The following PPM1L variants were observed in gnomAD, a reference collection of about 807,000 sequenced individuals.
The protein encoded by PPM1L is protein phosphatase 1L.
A neutral mutation model predicts 31.4 loss-of-function variants in PPM1L; 13 were observed. The ratio of observed to expected loss-of-function variants is 0.41; its 90% CI spans 0.27 to 0.66. The LOEUF (loss-of-function observed/expected upper bound fraction) is 0.66, where lower values mean the gene tolerates loss of function less well. PPM1L is among the 30% of genes least tolerant of loss of function. PPM1L has a pLI of 0.29. For synonymous variants in PPM1L, 184 were observed against 175.4 expected (o/e 1.05, Z -0.39); for missense variants, 326 against 453.7 (o/e 0.72, Z 2.56).
chr3:160,976,618 A>G (rs1366356940), intron 2 of PPM1L, among the ~76,000 whole-genome samples: 3 of 144,532 alleles, frequency 2.1e-5, no homozygotes, highest in East Asian at 2.0e-4. Flanking sequence ...TGTATGTGTC[A>G]AGGAATTTAT....
At chr3:160,808,320 T>TGTGC (rs1166270943) in intron 1 of PPM1L, among the ~76,000 whole-genome samples, 3 of 142,352 alleles carry the variant, frequency 2.1e-5, no homozygotes, top group African/African-American at 5.7e-5. Context: ...TGTGTGTGTG[T>TGTGC]GCGTGCATGT....
intron 1 of PPM1L, among the ~76,000 whole-genome samples, chr3:160,808,386 T>TGTGTGTGTGTGTGTGTGTGTGCGCGCGC (rs1560112656): frequency 1.5e-4 from 7 of 47,004 alleles, no homozygotes; most frequent in Non-Finnish European, 2.6e-4. Flanking sequence ...GATTTTCCTG[T>TGTGTGTGTGTGTGTGTGTGTGCGCGCGC]GTGTGTGTGT....
intron 2 of PPM1L, among the ~76,000 whole-genome samples, chr3:161,026,368 A>T (rs1045794321): frequency 6.6e-6 from 1 of 152,180 alleles, no homozygotes; most frequent in African/African-American, 2.4e-5. Context: ...CTCTCAGAAG[A>T]GGTAACATCT....
chr3:160,775,967 G>C (rs1711549247), intron 1 of PPM1L, among the ~76,000 whole-genome samples: 1 of 152,184 alleles, frequency 6.6e-6, no homozygotes, highest in African/African-American at 2.4e-5. Context: ...TTGTACTCAA[G>C]GAAGAGCGTC....
At chr3:160,887,593 T>C (rs1321342041) in intron 1 of PPM1L, among the ~76,000 whole-genome samples, 1 of 150,914 alleles carries the variant, frequency 6.6e-6, no homozygotes, top group East Asian at 1.9e-4. Context: ...TTTCTTTTTT[T>C]TTTTTGAGAT....
At chr3:160,881,447 A>C (rs147473775) in intron 1 of PPM1L, among the ~76,000 whole-genome samples, 1 of 152,288 alleles carries the variant, frequency 6.6e-6, no homozygotes, top group Admixed American at 6.5e-5. Flanking sequence ...CAGTGTGAGA[A>C]AGTATGTCAA....
rs571798817 is a variant in PPM1L at position 160,911,904 on chromosome 3, A to T, written c.400-49832A>T. ...GCCAATTCATCTGCTTCTCGGAGTG[A>T]TGGAGGAGGAGTGTTGAACCCTGAG... On this transcript the variant is annotated intron_variant, in intron 1 of 3. Coordinates refer to ENST00000498165, the MANE Select transcript of PPM1L (RefSeq NM_139245.4). 3.4e-4 allele frequency among the ~76,000 whole-genome samples: 52 copies of T among 152,278 alleles called. 1 individual carries two copies. The highest frequency in any genetic ancestry group is 2.3e-3 in the Admixed American group (35 of 15,290).
chr3:160,804,417 A>G (rs1446140279), intron 1 of PPM1L, among the ~76,000 whole-genome samples: 2 of 152,228 alleles, frequency 1.3e-5, no homozygotes, highest in Non-Finnish European at 2.9e-5. Flanking sequence ...AAAATTAGAA[A>G]TGACATGCAG....
chr3:160,857,765 G>A (rs568408916), intron 1 of PPM1L, among the ~76,000 whole-genome samples: 1 of 152,134 alleles, frequency 6.6e-6, no homozygotes, highest in Admixed American at 6.6e-5. Context: ...CTATTGTAGC[G>A]GTAAGACAAA....
chr3:161,020,338 T>G (rs1373441698), intron 2 of PPM1L, among the ~76,000 whole-genome samples: 1 of 152,062 alleles, frequency 6.6e-6, no homozygotes, highest in Non-Finnish European at 1.5e-5. Context: ...AATTGAGAAA[T>G]AAGACATAGG....
intron 1 of PPM1L, among the ~76,000 whole-genome samples, chr3:160,811,227 G>C (rs1238753088): frequency 6.6e-6 from 1 of 152,226 alleles, no homozygotes; most frequent in Non-Finnish European, 1.5e-5. Flanking sequence ...TGTATATGAA[G>C]TGACTAGACT....
At chr3:160,985,753 G>A (rs1716943016) in intron 2 of PPM1L, among the ~76,000 whole-genome samples, 2 of 151,814 alleles carry the variant, frequency 1.3e-5, no homozygotes, top group Non-Finnish European at 2.9e-5. Context: ...AATTGATAAT[G>A]CTGTGCAAAG....
chr3:160,880,349 T>C (rs970978299), intron 1 of PPM1L, among the ~76,000 whole-genome samples: 22 of 151,992 alleles, frequency 1.4e-4, no homozygotes, highest in African/African-American at 4.6e-4. Flanking sequence ...AGGAGAAAAA[T>C]TGAGAAATGA....
chr3:161,056,590 A>T (rs563808841), intron 2 of PPM1L, among the ~76,000 whole-genome samples: 1 of 152,140 alleles, frequency 6.6e-6, no homozygotes, highest in East Asian at 1.9e-4. Flanking sequence ...TGTTAAAAAT[A>T]TAAGTATGTG....
intron 1 of PPM1L, among the ~76,000 whole-genome samples, chr3:160,793,351 G>A (rs1280621515): frequency 6.6e-6 from 1 of 152,186 alleles, no homozygotes; most frequent in African/African-American, 2.4e-5. Flanking sequence ...TTCTTCAGAT[G>A]AGCAAGTTTG....
In PPM1L at chr3:161,069,088, A is replaced by C. The variant is rs757971870; in HGVS notation, c.1014A>C (p.Arg338Ser). 3.2e-5 allele frequency: 51 copies of C among 1,614,084 alleles called. No individual in the cohort carries two copies. Among genetic ancestry groups the C allele is most frequent in the Non-Finnish European group, 4.2e-5 (50 of 1,180,028 alleles). ...AKSIVLQSFY[R>S]GCPDNITVMV... is the part of the protein sequence containing the mutation. ...GCATAGTTTTACAGTCATTTTACAG[A>C]GGCTGCCCTGACAATATAACAGTCA... The change falls in exon 4 of 4, where the codon AGA becomes AGC. Residue 338 changes from arginine (R) to serine (S), a missense_variant. Coordinates refer to ENST00000498165, the MANE Select transcript of PPM1L (RefSeq NM_139245.4).
At chr3:160,806,310 T>A (rs942583523) in intron 1 of PPM1L, among the ~76,000 whole-genome samples, 1 of 152,194 alleles carries the variant, frequency 6.6e-6, no homozygotes, top group African/African-American at 2.4e-5. Context: ...CTGATCATAG[T>A]GCTTGGGAAG....
intron 1 of PPM1L, among the ~76,000 whole-genome samples, chr3:160,917,797 A>C (rs1047357902): frequency 2.6e-5 from 4 of 152,236 alleles, no homozygotes; most frequent in African/African-American, 9.6e-5. Context: ...AGTGGATCTT[A>C]AGGGCATCCC....
At chr3:160,785,832 GTTT>G (rs75150439) in intron 1 of PPM1L, among the ~76,000 whole-genome samples, 1 of 120,142 alleles carries the variant, frequency 8.3e-6, no homozygotes, top group Admixed American at 8.2e-5. Flanking sequence ...GCGGTGCACT[GTTT>G]TTTTTTTTTT....
Sources: allele counts gnomAD v4.1 joint callset (sites outside exome capture counted in the v4.1 genomes callset), GRCh38; gene constraint gnomAD v4.1.1; transcripts MANE v1.5; gene names NCBI Gene and HGNC (gene_info 2026-07-23, HGNC 2026-07-21).